Variants in PCDHGB6 observed in about 807,000 individuals in gnomAD.
The protein encoded by PCDHGB6 is protocadherin gamma subfamily B, 6.
In PCDHGB6, 51 loss-of-function variants were observed where a neutral mutation model predicts 59.1. The ratio of observed to expected loss-of-function variants is 0.86; its 90% CI spans 0.69 to 1.09. PCDHGB6 has a LOEUF of 1.09. Among genes scored for constraint, PCDHGB6 ranks in the 50% least tolerant of loss-of-function variants. The probability of loss-of-function intolerance (pLI) is 0.00; values close to 1 mark genes in which losing one functional copy is unlikely to be tolerated. For synonymous variants in PCDHGB6, 466 were observed against 495.1 expected (o/e 0.94, Z 0.78); for missense variants, 1,148 against 1,205.1 (o/e 0.95, Z 0.70).
chr5:141,410,847 G>GTAT, intron 1 of PCDHGB6: 2 of 158,246 alleles, frequency 1.3e-5, no homozygotes, highest in Non-Finnish European at 1.0e-5. Context: ...TTTTGTCTTT[G>GTAT]TCTTTTTTTT....
Position 141,408,971 on chromosome 5 carries a change from C to G in PCDHGB6, c.769C>G (p.Pro257Ala), listed in dbSNP as rs763728764. Reference protein sequence around the residue: ...YRISLSENLPPGSPVLQVTAT... With the variant: ...YRISLSENLPAGSPVLQVTAT... ...AATTAGTCTTAGTGAAAATCTGCCC[C>G]CTGGGTCCCCTGTGTTGCAAGTGAC... is the stretch of plus-strand genomic sequence containing the variant. Residue 257 changes from proline (P) to alanine (A), a missense_variant, in exon 1 of 4, where the codon CCT becomes GCT. Pro to Ala is a conservative substitution (Grantham distance 27). Transcript: ENST00000520790. The G allele has an allele frequency of 2.5e-6, 4 of 1,613,698 alleles. No homozygotes were observed. Among genetic ancestry groups the G allele is most frequent in the Non-Finnish European group, 3.4e-6 (4 of 1,179,870 alleles).
chr5:141,420,321 C>G (rs763682825), intron 1 of PCDHGB6: 2 of 1,410,974 alleles, frequency 1.4e-6, no homozygotes, highest in Non-Finnish European at 1.9e-6. Flanking sequence ...TACAATATGC[C>G]AATATATTCC....
chr5:141,499,402 A>G (rs2099791723), intron 2 of PCDHGB6, among the ~76,000 whole-genome samples: 2 of 152,212 alleles, frequency 1.3e-5, no homozygotes, highest in South Asian at 4.1e-4. Context: ...GTACATGCTC[A>G]TTATAGAAAC....
Position 141,489,819 on chromosome 5 carries a change from G to T in PCDHGB6, c.2419-4988G>T. On this transcript the variant is annotated intron_variant, in intron 1 of 3. Transcript: ENST00000520790. This position sits in a 1 kb window ranked among gnomAD's most constrained non-coding sequence, Gnocchi z 4.5. ...TAAAAGATGGGAAGCCATTCCCAGA[G>T]CTGGTGCTAGAGCAGCAGCTGGATC... 6.2e-7 allele frequency: 1 copy of T among 1,614,190 alleles called. No homozygotes were observed.
intron 1 of PCDHGB6, among the ~76,000 whole-genome samples, chr5:141,436,531 G>A (rs1365651055): frequency 2.6e-5 from 4 of 152,152 alleles, no homozygotes; most frequent in South Asian, 2.1e-4. Flanking sequence ...CCTTTAGCAA[G>A]TTATTTAATC....
At chr5:141,472,176 G>C (rs1416695177) in intron 1 of PCDHGB6, among the ~76,000 whole-genome samples, 3 of 152,144 alleles carry the variant, frequency 2.0e-5, no homozygotes, top group Non-Finnish European at 2.9e-5. Context: ...GTAATATCCA[G>C]TATTGGAATT....
chr5:141,449,854 T>C (rs769118919), intron 1 of PCDHGB6, among the ~76,000 whole-genome samples: 7 of 151,974 alleles, frequency 4.6e-5, no homozygotes, highest in South Asian at 4.1e-4. Context: ...ATTTTAATAA[T>C]AAAAATCAGA....
Position 141,421,726 on chromosome 5 carries a change from T to G in PCDHGB6, c.2418+11106T>G. On this transcript the variant is annotated intron_variant, in intron 1 of 3. Transcript: ENST00000520790. The stretch of plus-strand genomic sequence containing the variant: ...TAGGGATCCAGATGTGGGCGTGAAC[T>G]CCCTCCAGAGCTACCAGCTCAGCCC... 1 of 1,613,928 alleles carries G rather than the reference T, an allele frequency of 6.2e-7. No homozygotes were observed. Among genetic ancestry groups the G allele is most frequent in the Non-Finnish European group, 8.5e-7 (1 of 1,179,852 alleles).
intron 1 of PCDHGB6, among the ~76,000 whole-genome samples, chr5:141,457,822 C>A (rs1477393535): frequency 6.6e-6 from 1 of 152,178 alleles, no homozygotes; most frequent in Non-Finnish European, 1.5e-5. Context: ...AAGATAAACT[C>A]AGAGCTTCCA....
rs770219250 is a variant in PCDHGB6, at chr5:141,477,852, T to C, written c.2419-16955T>C. Reference sequence around the variant, plus strand: ...CGGCCAGGTGGGAGCTCGGTGGAGATGCTGCCTCGAGGTACCTCAGCTGGC... The same window carrying C: ...CGGCCAGGTGGGAGCTCGGTGGAGACGCTGCCTCGAGGTACCTCAGCTGGC... On this transcript the variant is annotated intron_variant, in intron 1 of 3. Transcript: ENST00000520790. This position sits in a 1 kb window ranked among gnomAD's most constrained non-coding sequence, Gnocchi z 4.9. The C allele has an allele frequency of 6.2e-7, 1 of 1,613,654 alleles. No homozygotes were observed. Among genetic ancestry groups the C allele is most frequent in the Admixed American group, 1.7e-5 (1 of 59,980 alleles).
In PCDHGB6 at chr5:141,489,129, T is replaced by G; in HGVS notation, c.2419-5678T>G. On this transcript the variant is annotated intron_variant, in intron 1 of 3. Coordinates refer to ENST00000520790, the MANE Select transcript of PCDHGB6 (RefSeq NM_018926.3). This position sits in a 1 kb window ranked among gnomAD's most constrained non-coding sequence, Gnocchi z 4.5. ...AAGCAGGCAAACCTCCGAGCAGTTT[T>G]TAAGAGGCTGGAAGGAGACATAAGA... 1 of 761,976 alleles carries G rather than the reference T, an allele frequency of 1.3e-6. No homozygotes were observed. The highest frequency in any genetic ancestry group is 2.0e-6 in the Non-Finnish European group (1 of 490,014). The allele number at this position is 761,976 out of a possible 1,614,324, so 47.2% of individuals were successfully genotyped here.
At chr5:141,492,576 G>A (rs2099742137) in intron 1 of PCDHGB6, among the ~76,000 whole-genome samples, 1 of 152,234 alleles carries the variant, frequency 6.6e-6, no homozygotes, top group Admixed American at 6.5e-5. Context: ...AGCGAGGCGC[G>A]GGGCCAGGAG....
chr5:141,414,427 C>G lies in PCDHGB6; in HGVS notation c.2418+3807C>G, dbSNP rs766147938. The G allele has an allele frequency of 6.2e-6, 10 of 1,613,684 alleles. No individual in the cohort carries two copies. The highest frequency in any genetic ancestry group is 1.6e-4 in the Middle Eastern group (1 of 6,084). On this transcript the variant is annotated intron_variant, in intron 1 of 3. Coordinates refer to ENST00000520790, the MANE Select transcript of PCDHGB6 (RefSeq NM_018926.3). ...GATACACAGAGCCCTTGACAGGGAA[C>G]AGGTATCCTCTTACAATATCACAGT... is the stretch of plus-strand genomic sequence containing the variant.
chr5:141,431,401 C>T lies in PCDHGB6; in HGVS notation c.2418+20781C>T. ...CTGCTCACCACCTGGTCCTTACGGC[C>T]TCCGACGGGGGCGACCCGGTGCGCA... On this transcript the variant is annotated intron_variant, in intron 1 of 3. Transcript: ENST00000520790. The surrounding 1 kb of genome is among the most constrained non-coding windows in gnomAD (Gnocchi z 4.8). 2 of 1,613,800 alleles carry T rather than the reference C, an allele frequency of 1.2e-6. No homozygotes were observed. Among genetic ancestry groups the T allele is most frequent in the Admixed American group, 1.7e-5 (1 of 60,036 alleles).
chr5:141,497,736 G>A (rs1437670417), intron 2 of PCDHGB6, among the ~76,000 whole-genome samples: 6 of 151,962 alleles, frequency 3.9e-5, no homozygotes, highest in Admixed American at 1.3e-4. Flanking sequence ...GATGGGTTTC[G>A]CCACGTTGGC....
At chr5:141,414,283 G>T in intron 1 of PCDHGB6, 1 of 1,613,520 alleles carries the variant, frequency 6.2e-7, no homozygotes, top group Non-Finnish European at 8.5e-7. Flanking sequence ...GGGAACAGTC[G>T]TAGCCCTTTT....
chr5:141,420,920 A>G, intron 1 of PCDHGB6: 1 of 338,894 alleles, frequency 3.0e-6, no homozygotes, highest in Middle Eastern at 8.3e-4. Flanking sequence ...GTGATTCACA[A>G]AGGTGAGCGT....
intron 1 of PCDHGB6, chr5:141,423,261 C>T (rs1181343306): frequency 6.2e-7 from 1 of 1,613,870 alleles, no homozygotes; most frequent in Non-Finnish European, 8.5e-7. Flanking sequence ...ACCTCGGCAG[C>T]CTCGAGTCTC....
At position 141,511,411 on chromosome 5, in the gene PCDHGB6, A is replaced by G; in HGVS notation, c.*238A>G. On this transcript the variant is annotated 3_prime_UTR_variant, in exon 4 of 4. Coordinates refer to ENST00000520790, the MANE Select transcript of PCDHGB6 (RefSeq NM_018926.3). ...GAACCCCCATCCAATCAACTGCTGT[A>G]CCCATGGGGGTAGTGGGGTTACTGT... The G allele has an allele frequency of 1.1e-6, 1 of 901,334 alleles. No homozygotes were observed. Among genetic ancestry groups the G allele is most frequent in the Non-Finnish European group, 1.6e-6 (1 of 617,750 alleles). The allele number at this position is 901,334 out of a possible 1,614,324, so 55.8% of individuals were successfully genotyped here. A position where few individuals can be genotyped will look rare whatever the true frequency, so the allele number is the denominator to read the frequency against.
Sources: allele counts gnomAD v4.1 joint callset (sites outside exome capture counted in the v4.1 genomes callset), GRCh38; gene constraint gnomAD v4.1.1; non-coding constraint Gnocchi (gnomAD v3.1); transcripts MANE v1.5; gene names NCBI Gene and HGNC (gene_info 2026-07-23, HGNC 2026-07-21).